The following MAPKBP1 variants were observed in gnomAD, a reference collection of about 807,000 sequenced individuals.
The protein encoded by MAPKBP1 is mitogen-activated protein kinase-binding protein 1.
A neutral mutation model predicts 170.5 loss-of-function variants in MAPKBP1; 71 were observed. That is an observed-to-expected ratio of 0.42 (90% CI 0.34 to 0.51). The LOEUF is 0.51. Among genes scored for constraint, MAPKBP1 ranks in the 20% least tolerant of loss-of-function variants. MAPKBP1 has a pLI of 0.06. For missense variants in MAPKBP1, 1,598 were observed against 1,933.0 expected (o/e 0.83, Z 3.25); for synonymous variants, 719 against 757.9 (o/e 0.95, Z 0.84).
At chr15:41,821,849 T>C (rs1284907986) in intron 24 of MAPKBP1, 99 bp downstream of exon 24, 2 of 1,576,952 alleles carry the variant, frequency 1.3e-6, no homozygotes, top group African/African-American at 1.4e-5. Flanking sequence ...TACTCAGGGC[T>C]TTCCTTCCAG....
intron 28 of MAPKBP1, 21 bp downstream of exon 28, chr15:41,823,243 A>C (rs1007202987): frequency 5.0e-6 from 8 of 1,608,216 alleles, no homozygotes; most frequent in Non-Finnish European, 6.8e-6. Context: ...TGATGGGTTC[A>C]GTGCCAGGGT....
At position 41,822,382 on chromosome 15, in the gene MAPKBP1, A is replaced by G. The variant is rs2065014473; in HGVS notation, c.3189A>G (p.Leu1063=). Residue 1063 remains leucine, a synonymous_variant, in exon 26 of 31, where the codon CTA becomes CTG. Coordinates refer to ENST00000457542, the MANE Select transcript of MAPKBP1 (RefSeq NM_014994.3). ...SPQTPDQEQF[L]KQHFETLASG... ...AGACTCCAGACCAGGAGCAGTTTCT[A>G]AAACAGCACTTTGAGACTCTGGCCA... 1 of 1,614,094 alleles carries G rather than the reference A, an allele frequency of 6.2e-7. No individual in the cohort carries two copies. Among genetic ancestry groups the G allele is most frequent in the East Asian group, 2.2e-5 (1 of 44,882 alleles).
chr15:41,819,157 T>C, intron 20 of MAPKBP1, 89 bp from the exon 21 acceptor site: 13 of 1,508,032 alleles, frequency 8.6e-6, no homozygotes, highest in Non-Finnish European at 1.2e-5. Context: ...CTTCCCCTCA[T>C]TGAGTCTCCT....
At chr15:41,807,525 TC>T (rs2064720323) in intron 3 of MAPKBP1, among the ~76,000 whole-genome samples, 1 of 152,202 alleles carries the variant, frequency 6.6e-6, no homozygotes, top group South Asian at 2.1e-4. Flanking sequence ...TTACTGTGGT[TC>T]CTGTGTAACT....
chr15:41,814,439 C>T (rs2064856000), intron 9 of MAPKBP1, 111 bp from the exon 10 acceptor site: 4 of 1,097,426 alleles, frequency 3.6e-6, no homozygotes, highest in Non-Finnish European at 5.2e-6. Flanking sequence ...CAACTACTTC[C>T]AAACCTGCAG....
At chr15:41,775,740 A>C (rs537007455) in intron 2 of MAPKBP1, among the ~76,000 whole-genome samples, 3 of 152,360 alleles carry the variant, frequency 2.0e-5, no homozygotes, top group African/African-American at 7.2e-5. Flanking sequence ...TGAAGGGCTA[A>C]GCTGTGACTA....
At position 41,822,654 on chromosome 15, in the gene MAPKBP1, G is replaced by A. The variant is rs372686032; in HGVS notation, c.3291G>A (p.Leu1097=). 6.2e-7 allele frequency: 1 copy of A among 1,614,052 alleles called. No individual in the cohort carries two copies. Among genetic ancestry groups the A allele is most frequent in the South Asian group, 1.1e-5 (1 of 91,084 alleles). Residue 1097 remains leucine (L), a synonymous_variant, in exon 27 of 31, where the codon TTG becomes TTA. Coordinates refer to ENST00000457542, the MANE Select transcript of MAPKBP1 (RefSeq NM_014994.3). ...ESRSISSRFL[L]QVQTRPLREP... ...GGAGTATCTCTTCACGATTCCTGTT[G>A]CAAGTACAGACCCGCCCACTCAGGT... is the stretch of plus-strand genomic sequence containing the variant.
At chr15:41,784,278 G>A (rs561328974) in intron 2 of MAPKBP1, among the ~76,000 whole-genome samples, 3 of 152,258 alleles carry the variant, frequency 2.0e-5, no homozygotes, top group South Asian at 4.1e-4. Flanking sequence ...TGTAAGGCCC[G>A]TACAGCAGCT....
At position 41,818,080 on chromosome 15, in the gene MAPKBP1, T is replaced by C. The variant is rs778134299; in HGVS notation, c.1976T>C (p.Ile659Thr). The C allele has an allele frequency of 7.4e-6, 12 of 1,613,904 alleles. No individual in the cohort carries two copies. Among genetic ancestry groups the C allele is most frequent in the Admixed American group, 3.3e-5 (2 of 59,998 alleles). The change falls in exon 17 of 31, where the codon ATT (isoleucine) becomes ACT (threonine). Residue 659 changes from isoleucine to threonine, a missense_variant. Physicochemically the swap from Ile to Thr is moderately conservative, Grantham distance 89. Coordinates refer to ENST00000457542, the MANE Select transcript of MAPKBP1 (RefSeq NM_014994.3). The surrounding 1 kb of genome is among the most constrained non-coding windows in gnomAD (Gnocchi z 5.2). ...KGSQGEDGTL[I>T]KVQTDPSGIY... ...TCACAGGGTGAGGACGGCACACTCA[T>C]TAAGGTAAGGACCCAGAGGGGGTAC...
Position 41,817,463 on chromosome 15 carries a change from G to A in MAPKBP1, c.1782+5G>A, listed in dbSNP as rs2064910933. 1 of 1,613,990 alleles carries A rather than the reference G, an allele frequency of 6.2e-7. No individual in the cohort carries two copies. Among genetic ancestry groups the A allele is most frequent in the African/African-American group, 1.3e-5 (1 of 74,930 alleles). ...TACTTCCGCACTGCGCAGAAGGTGA[G>A]GGCGCTGGGCTTTCCTGAGAGGGGC... is the stretch of plus-strand genomic sequence containing the variant. On this transcript the variant is annotated splice_donor_5th_base_variant and intron_variant, in intron 15 of 30. Coordinates refer to ENST00000457542, the MANE Select transcript of MAPKBP1 (RefSeq NM_014994.3). The surrounding 1 kb of genome is among the most constrained non-coding windows in gnomAD (Gnocchi z 4.2).
At position 41,824,054 on chromosome 15, in the gene MAPKBP1, G is replaced by C; in HGVS notation, c.4206G>C (p.Gln1402His). 3 of 1,600,856 alleles carry C rather than the reference G, an allele frequency of 1.9e-6. No homozygotes were observed. Among genetic ancestry groups the C allele is most frequent in the Non-Finnish European group, 2.5e-6 (3 of 1,177,762 alleles). ...CCAAGCCAGGGGCAGCCCTGAGCCA[G>C]GACTCAGGTGTGCACAGCTCCCCAG... ...ECTKPGAALS[Q>H]DSEPAVSLEQ... Residue 1402 changes from glutamine (Q) to histidine (H), a missense_variant, in exon 29 of 31, where the codon CAG (glutamine) becomes CAC (histidine). Transcript: ENST00000457542.
intron 8 of MAPKBP1, 91 bp downstream of exon 8, chr15:41,813,192 C>T: frequency 1.3e-6 from 2 of 1,538,594 alleles, no homozygotes; most frequent in Admixed American, 3.7e-5. Flanking sequence ...GGGCTGGTCC[C>T]TTGTGCATAC....
intron 9 of MAPKBP1, 122 bp from the exon 10 acceptor site, chr15:41,814,428 G>T: frequency 1.1e-6 from 1 of 934,810 alleles, no homozygotes; most frequent in Non-Finnish European, 1.6e-6. Flanking sequence ...CTTCTCTCAA[G>T]CAACTACTTC....
chr15:41,823,185 C>T lies in MAPKBP1; in HGVS notation c.3561C>T (p.Leu1187=), dbSNP rs756935116. The part of the protein sequence containing the change: ...RVATASPFSG[L]QKAQSVHSLV... ...CCACAGCCAGCCCCTTTTCTGGACT[C>T]CAGAAGGCCCAGTCTGTGCACAGTC... The change falls in exon 28 of 31, where the codon CTC becomes CTT. Residue 1187 remains leucine, a synonymous_variant. Coordinates refer to ENST00000457542, the MANE Select transcript of MAPKBP1 (RefSeq NM_014994.3). 2 of 1,613,664 alleles carry T rather than the reference C, an allele frequency of 1.2e-6. No homozygotes were observed. The highest frequency in any genetic ancestry group is 2.2e-5 in the East Asian group (1 of 44,892).
intron 3 of MAPKBP1, among the ~76,000 whole-genome samples, chr15:41,808,208 G>T (rs1435635849): frequency 6.9e-6 from 1 of 145,348 alleles, no homozygotes. Flanking sequence ...CTGGGTTCAC[G>T]CCATTCTCCT....
Position 41,821,133 on chromosome 15 carries a change from G to T in MAPKBP1, c.2718+65G>T, listed in dbSNP as rs989177531. ...GGGCCTTAGGCAGCCTTTGCCACCA[G>T]CTGGGACCTGAGCACTGGTCCAGCT... On this transcript the variant is annotated intron_variant, in intron 23 of 30. Coordinates refer to ENST00000457542, the MANE Select transcript of MAPKBP1 (RefSeq NM_014994.3). 6.8e-6 allele frequency: 10 copies of T among 1,464,748 alleles called. No individual in the cohort carries two copies. The African/African-American group carries it at 1.4e-4, about 20-fold the overall frequency. 90.7% of individuals were successfully genotyped at this position (1,464,748 alleles called of 1,614,324 possible). A position where few individuals can be genotyped will look rare whatever the true frequency, so the allele number is the denominator to read the frequency against.
chr15:41,813,867 A>T, intron 9 of MAPKBP1, 86 bp downstream of exon 9: 1 of 1,424,336 alleles, frequency 7.0e-7, no homozygotes. Context: ...GCAGGTGAAG[A>T]GTGTATTGAT....
chr15:41,787,819 G>A (rs2064326567), intron 2 of MAPKBP1, among the ~76,000 whole-genome samples: 1 of 152,112 alleles, frequency 6.6e-6, no homozygotes, highest in East Asian at 1.9e-4. Flanking sequence ...TTCTGGAAAG[G>A]CATCAGAATC....
intron 23 of MAPKBP1, 89 bp downstream of exon 23, chr15:41,821,157 C>T: frequency 8.1e-7 from 1 of 1,228,844 alleles, no homozygotes; most frequent in Non-Finnish European, 1.2e-6. Flanking sequence ...ACTGGTCCAG[C>T]TATGCTTGCT....
Sources: gnomAD v4.1 joint callset for allele counts (sites outside exome capture counted in the v4.1 genomes callset) on GRCh38, gnomAD v4.1.1 for gene constraint, Gnocchi (gnomAD v3.1) non-coding constraint, MANE v1.5 for transcripts, NCBI Gene and HGNC (gene_info 2026-07-23, HGNC 2026-07-21) for gene names.